TTN: variants seen among roughly 807,000 people sequenced by gnomAD.
The protein encoded by TTN is titin.
Under a neutral mutation model 3,223.0 loss-of-function variants are expected in TTN, and 1,525 were observed. The ratio of observed to expected loss-of-function variants is 0.47; its 90% CI spans 0.45 to 0.49. The LOEUF (loss-of-function observed/expected upper bound fraction) is 0.49. TTN is among the 20% of genes least tolerant of loss of function. The pLI is 0.00. For synonymous variants in TTN, 14,094 were observed against 15,161.0 expected, an observed-to-expected ratio of 0.93 and a Z score of 5.17; for missense variants, 40,786 against 43,424.0, an observed-to-expected ratio of 0.94 and a Z score of 5.40.
At position 178,579,810 on chromosome 2, in the gene TTN, C is replaced by A. The variant is rs1162620445; in HGVS notation, c.67387G>T (p.Val22463Leu). Residue 22463 changes from valine (V) to leucine (L), a missense_variant, in exon 319 of 363, where the codon GTA becomes TTA. Coordinates refer to ENST00000589042, the MANE Select transcript of TTN (RefSeq NM_001267550.2). ...CCAATGCTACAGGATGACTTAGATA[C>A]AGACCTCACTTTCAGGTCCACAACT... Reference protein sequence around the residue: ...GPVVDLKVRSVSKSSCSIGWK... With the variant: ...GPVVDLKVRSLSKSSCSIGWK... 1 of 1,613,216 alleles carries A rather than the reference C, an allele frequency of 6.2e-7. No homozygotes were observed. Among genetic ancestry groups the A allele is most frequent in the African/African-American group, 1.3e-5 (1 of 74,888 alleles).
chr2:178,535,856 CA>C lies in TTN; in HGVS notation c.100766-8del. 1 of 1,355,680 alleles carries C rather than the reference CA, an allele frequency of 7.4e-7. No individual in the cohort carries two copies. The highest frequency in any genetic ancestry group is 9.8e-7 in the Non-Finnish European group (1 of 1,023,322). 84.0% of individuals were successfully genotyped at this position (1,355,680 alleles called of 1,614,324 possible). On this transcript the variant is annotated splice_polypyrimidine_tract_variant and splice_region_variant and intron_variant, in intron 357 of 362. Transcript: ENST00000589042. ...AAGTGTATCTTAGCTGGAACTGTAT[CA>C]GAAAAAAAAAAAAAAAGAATATAAT... is the stretch of plus-strand genomic sequence containing the variant.
intron 10 of TTN, among the ~76,000 whole-genome samples, 189 bp downstream of exon 10, chr2:178,791,879 CAAGT>C (rs1233892635): frequency 1.3e-5 from 2 of 152,196 alleles, no homozygotes; most frequent in East Asian, 1.9e-4. Context: ...GAAAACTGAT[CAAGT>C]GAGTGGAAAA....
chr2:178,616,154 C>T (rs1289042427), intron 257 of TTN, among the ~76,000 whole-genome samples: 1 of 151,784 alleles, frequency 6.6e-6, no homozygotes, highest in Non-Finnish European at 1.5e-5. Context: ...GAAGTGTGAC[C>T]ACCAGGGAAA....
chr2:178,738,335 G>A lies in TTN; in HGVS notation c.14118C>T (p.Ile4706=), dbSNP rs267599072. Reference sequence around the variant, plus strand: ...GGCCCAGTGCTACTTCCAGGGGTTCGATTTTCCTCTTGATCACTGGGGCAG... The same window carrying A: ...GGCCCAGTGCTACTTCCAGGGGTTCAATTTTCCTCTTGATCACTGGGGCAG... ...KRAAPVIKRK[I]EPLEVALGHL... The change falls in exon 49 of 363, where the codon ATC becomes ATT. Residue 4706 remains isoleucine (I), a synonymous_variant. Coordinates refer to ENST00000589042, the MANE Select transcript of TTN (RefSeq NM_001267550.2). 1.1e-5 allele frequency: 18 copies of A among 1,612,706 alleles called. No homozygotes were observed. The highest frequency in any genetic ancestry group is 2.2e-5 in the East Asian group (1 of 44,756).
At chr2:178,693,462 G>T (rs137958656) in intron 119 of TTN, 147 bp downstream of exon 119, 4 of 503,518 alleles carry the variant, frequency 7.9e-6, no homozygotes, top group Admixed American at 8.0e-5. Flanking sequence ...GGTTCTTCCC[G>T]TCCCCCATCA....
At chr2:178,785,384 G>A (rs1040999124) in intron 15 of TTN, among the ~76,000 whole-genome samples, 1 of 152,088 alleles carries the variant, frequency 6.6e-6, no homozygotes, top group African/African-American at 2.4e-5. Context: ...AGCCTGTGTG[G>A]ATTTGTCTCT....
In TTN at chr2:178,579,867, GA is replaced by G; in HGVS notation, c.67349-20del. 6.2e-7 allele frequency: 1 copy of G among 1,612,316 alleles called. No homozygotes were observed. Among genetic ancestry groups the G allele is most frequent in the Non-Finnish European group, 8.5e-7 (1 of 1,179,272 alleles). On this transcript the variant is annotated intron_variant, in intron 318 of 362. Coordinates refer to ENST00000589042, the MANE Select transcript of TTN (RefSeq NM_001267550.2). ...GGAGTTTCTAAAGCAAAGGAGAAAT[GA>G]TAAGTGTAAGCCCCATATAACAAAG...
chr2:178,717,626 A>C lies in TTN; in HGVS notation c.25248T>G (p.Thr8416=). The C allele has an allele frequency of 2.5e-6, 4 of 1,613,388 alleles. No individual in the cohort carries two copies. The highest frequency in any genetic ancestry group is 2.5e-6 in the Non-Finnish European group (3 of 1,179,584). The change falls in exon 87 of 363, where the codon ACT becomes ACG. Residue 8416 remains threonine (T), a synonymous_variant. Coordinates refer to ENST00000589042, the MANE Select transcript of TTN (RefSeq NM_001267550.2). ...LQTSFVHNVA[T]LQILQTDQSH... ...TCTGGTCAGTTTGTAAAATCTGAAG[A>C]GTTGCTACATTATGAACAAAAGATG... is the stretch of plus-strand genomic sequence containing the variant.
At chr2:178,709,974 T>TA in intron 98 of TTN, 118 bp from the exon 99 acceptor site, 1 of 964,842 alleles carries the variant, frequency 1.0e-6, no homozygotes, top group Non-Finnish European at 1.5e-6. Context: ...ACCAACTAAA[T>TA]ACACTATATC....
intron 47 of TTN, chr2:178,747,594 T>C: frequency 6.2e-7 from 1 of 1,613,260 alleles, no homozygotes; most frequent in Non-Finnish European, 8.5e-7. Flanking sequence ...TCCATTGAAG[T>C]GATTGATTCA....
At chr2:178,536,664 C>A in intron 356 of TTN, 89 bp from the exon 357 acceptor site, 2 of 1,163,018 alleles carry the variant, frequency 1.7e-6, no homozygotes, top group East Asian at 2.7e-5. Context: ...TTATATGAGT[C>A]CAAAATTTTG....
chr2:178,802,624 C>A (rs2094124192), intron 2 of TTN, among the ~76,000 whole-genome samples: 1 of 152,202 alleles, frequency 6.6e-6, no homozygotes, highest in Non-Finnish European at 1.5e-5. Context: ...CCATCTCCTG[C>A]CTGCCTGCCT....
intron 209 of TTN, among the ~76,000 whole-genome samples, chr2:178,650,480 G>T (rs765350405): frequency 6.6e-6 from 1 of 152,030 alleles, no homozygotes; most frequent in East Asian, 1.9e-4. Flanking sequence ...AGTGTTTAAT[G>T]TCATTTATAA....
At position 178,680,154 on chromosome 2, in the gene TTN, A is replaced by C. The variant is rs555504627; in HGVS notation, c.33419-99T>G. On this transcript the variant is annotated intron_variant, in intron 139 of 362. Coordinates refer to ENST00000589042, the MANE Select transcript of TTN (RefSeq NM_001267550.2). Reference sequence around the variant, plus strand: ...CCCATTTATAACAGAAGAAAGGACAAGATTTACTTTTCCCACAAAAGAAGT... The same window carrying C: ...CCCATTTATAACAGAAGAAAGGACACGATTTACTTTTCCCACAAAAGAAGT... 7.0e-6 allele frequency: 11 copies of C among 1,580,664 alleles called. No individual in the cohort carries two copies. The South Asian group carries it at 9.3e-5, about 13-fold the overall frequency.
At chr2:178,647,216 C>T in intron 214 of TTN, 72 bp from the exon 215 acceptor site, 1 of 1,139,106 alleles carries the variant, frequency 8.8e-7, no homozygotes. Flanking sequence ...TCTAACATAT[C>T]AACCTAGTTA....
At chr2:178,696,340 C>T in intron 113 of TTN, 71 bp from the exon 114 acceptor site, 1 of 1,255,046 alleles carries the variant, frequency 8.0e-7, no homozygotes. Flanking sequence ...CAAAAATCTA[C>T]CTAGTTAAAC....
At position 178,776,825 on chromosome 2, in the gene TTN, A is replaced by T. The variant is rs886055304; in HGVS notation, c.5039T>A (p.Leu1680His). Reference protein sequence around the residue: ...KEIAAPELEPLHLRYGQEQWE... With the variant: ...KEIAAPELEPHHLRYGQEQWE... ...TTGCTCTTGGCCATATCGCAAATGG[A>T]GGGGCTCCAGTTCTGGGGCTGCAAT... Residue 1680 changes from leucine to histidine, a missense_variant, in exon 28 of 363, where the codon CTC (leucine) becomes CAC (histidine). Leu to His is a moderately conservative substitution (Grantham distance 99, BLOSUM62 -3). Transcript: ENST00000589042. 2 of 1,614,092 alleles carry T rather than the reference A, an allele frequency of 1.2e-6. No homozygotes were observed. Among genetic ancestry groups the T allele is most frequent in the Non-Finnish European group, 1.7e-6 (2 of 1,179,994 alleles).
chr2:178,594,038 G>C lies in TTN; in HGVS notation c.58355C>G (p.Ser19452Ter). The C allele has an allele frequency of 6.2e-7, 1 of 1,613,514 alleles. No individual in the cohort carries two copies. Among genetic ancestry groups the C allele is most frequent in the Non-Finnish European group, 8.5e-7 (1 of 1,179,640 alleles). ...AACCACACAGTATTTGCCGGAATCT[G>C]AACGTTTGGCCTTGATCTTCTCTAA... The part of the protein sequence containing the change: ...LALEKIKAKR[S>*]DSGKYCVVVE... Residue 19452 changes from serine to a stop codon, truncating the protein, a stop_gained, in exon 297 of 363, where the codon TCA becomes TGA. Coordinates refer to ENST00000589042, the MANE Select transcript of TTN (RefSeq NM_001267550.2). LOFTEE classifies it high-confidence loss of function.
chr2:178,597,779 T>G lies in TTN; in HGVS notation c.57303A>C (p.Arg19101Ser). ...DLQLDASVRD[R>S]IVVHAGGVIR... ...TCACCCCTCCAGCATGGACAACAAT[T>G]CTATCTCTGACACTGGCATCTAGCT... Residue 19101 changes from arginine to serine, a missense_variant, in exon 294 of 363, where the codon AGA becomes AGC. Physicochemically the swap from Arg to Ser is moderately radical, Grantham distance 110. Coordinates refer to ENST00000589042, the MANE Select transcript of TTN (RefSeq NM_001267550.2). 6.2e-7 allele frequency: 1 copy of G among 1,613,216 alleles called. No individual in the cohort carries two copies. Among genetic ancestry groups the G allele is most frequent in the Non-Finnish European group, 8.5e-7 (1 of 1,179,554 alleles).
Sources: gnomAD v4.1 joint callset for allele counts (sites outside exome capture counted in the v4.1 genomes callset) on GRCh38, gnomAD v4.1.1 for gene constraint, MANE v1.5 for transcripts, NCBI Gene and HGNC (gene_info 2026-07-23, HGNC 2026-07-21) for gene names.